Variants in EFCAB6 observed in about 807,000 individuals in gnomAD.
EFCAB6 encodes EF-hand calcium binding domain 6.
In EFCAB6, 156 loss-of-function variants were observed where a neutral mutation model predicts 169.8. That is an observed-to-expected ratio of 0.92 (90% CI 0.81 to 1.05). The LOEUF (loss-of-function observed/expected upper bound fraction) is 1.05, where lower values mean the gene tolerates loss of function less well. Ranked by LOEUF, EFCAB6 falls within the 50% of genes least tolerant of loss-of-function variation. EFCAB6 has a pLI of 0.00. For synonymous variants in EFCAB6, 698 were observed against 676.4 expected, an observed-to-expected ratio of 1.03 and a Z score of -0.50; for missense variants, 1,800 against 1,829.1, an observed-to-expected ratio of 0.98 and a Z score of 0.29.
intron 10 of EFCAB6, among the ~76,000 whole-genome samples, chr22:43,706,448 G>T (rs1277706283): frequency 2.0e-5 from 3 of 152,180 alleles, no homozygotes; most frequent in African/African-American, 7.2e-5. Context: ...GGTTTGCTTT[G>T]TGTTGGTCTC....
At chr22:43,770,011 T>A (rs1033087847) in intron 4 of EFCAB6, among the ~76,000 whole-genome samples, 2 of 151,946 alleles carry the variant, frequency 1.3e-5, no homozygotes, top group African/African-American at 4.8e-5. Flanking sequence ...TGTGCCACCA[T>A]GTCCATCTAA....
intron 20 of EFCAB6, among the ~76,000 whole-genome samples, chr22:43,622,447 T>G (rs1478727253): frequency 6.6e-6 from 1 of 152,124 alleles, no homozygotes; most frequent in Non-Finnish European, 1.5e-5. Context: ...GCACCTGTAG[T>G]TCCAGTTACT....
chr22:43,633,965 G>A (rs1029287189), intron 18 of EFCAB6, among the ~76,000 whole-genome samples: 2 of 152,182 alleles, frequency 1.3e-5, no homozygotes, highest in African/African-American at 4.8e-5. Context: ...ATCTTCATGT[G>A]TGAGAATGCA....
chr22:43,615,733 T>C (rs2053639930), intron 21 of EFCAB6, 93 bp downstream of exon 21: 2 of 1,084,242 alleles, frequency 1.8e-6, no homozygotes, highest in African/African-American at 1.6e-5. Context: ...TTTCCCATCT[T>C]AGCGTCTGGA....
chr22:43,590,194 T>A lies in EFCAB6; in HGVS notation c.2912A>T (p.Lys971Ile). ...KLMDRHQDISKAFTKTDQSKT... is the reference protein window; with the variant it reads ...KLMDRHQDISIAFTKTDQSKT... ...GGATTGATCAGTTTTGGTGAATGCT[T>A]TGCTGATATCTTGATGGCGGTCCAT... Residue 971 changes from lysine (K) to isoleucine (I), a missense_variant, in exon 24 of 32, where the codon AAA becomes ATA. Physicochemically the swap from Lys to Ile is moderately radical, Grantham distance 102 (BLOSUM62 -3). Coordinates refer to ENST00000262726, the MANE Select transcript of EFCAB6 (RefSeq NM_022785.4). 6.2e-7 allele frequency: 1 copy of A among 1,614,076 alleles called. No homozygotes were observed. The highest frequency in any genetic ancestry group is 8.5e-7 in the Non-Finnish European group (1 of 1,179,990).
chr22:43,570,140 T>C (rs569240656), intron 26 of EFCAB6: 7 of 152,290 alleles, frequency 4.6e-5, no homozygotes, highest in Admixed American at 3.9e-4. Flanking sequence ...ACAAAAAACA[T>C]CTTCAAGTTA....
intron 3 of EFCAB6, among the ~76,000 whole-genome samples, chr22:43,774,681 G>T (rs2061583404): frequency 6.6e-6 from 1 of 151,722 alleles, no homozygotes; most frequent in Admixed American, 6.6e-5. Context: ...TCCGGTGACA[G>T]GATGGAAGGT....
chr22:43,632,985 T>C (rs181700444), intron 18 of EFCAB6, among the ~76,000 whole-genome samples: 2 of 152,370 alleles, frequency 1.3e-5, no homozygotes, highest in Admixed American at 1.3e-4. Flanking sequence ...ATCTGTTAAG[T>C]AAGATGCTGA....
chr22:43,567,347 T>A (rs1017510351), intron 26 of EFCAB6, among the ~76,000 whole-genome samples: 1 of 152,230 alleles, frequency 6.6e-6, no homozygotes. Flanking sequence ...AATAAATTCA[T>A]GGGTGAAGTC....
intron 2 of EFCAB6, among the ~76,000 whole-genome samples, chr22:43,791,639 G>A (rs1256299473): frequency 6.6e-6 from 1 of 152,044 alleles, no homozygotes; most frequent in African/African-American, 2.4e-5. Flanking sequence ...CCGTAATAAG[G>A]GCTTCGGTTT....
chr22:43,574,658 AC>A (rs1160362063), intron 26 of EFCAB6, among the ~76,000 whole-genome samples: 2 of 147,852 alleles, frequency 1.4e-5, no homozygotes, highest in East Asian at 2.0e-4. Flanking sequence ...AAAAAAAAAA[AC>A]CATAATCATA....
intron 17 of EFCAB6, among the ~76,000 whole-genome samples, chr22:43,641,659 T>C (rs1468534059): frequency 1.3e-5 from 2 of 149,952 alleles, no homozygotes; most frequent in African/African-American, 2.4e-5. Flanking sequence ...AAAGGATACT[T>C]TCCTTGTGAG....
chr22:43,558,742 A>C (rs537895373), intron 26 of EFCAB6, among the ~76,000 whole-genome samples: 87 of 152,330 alleles, frequency 5.7e-4, no homozygotes, highest in African/African-American at 2.0e-3. Context: ...TTTTAGTAAT[A>C]AAGTATTTTT....
At chr22:43,608,699 C>G in intron 21 of EFCAB6, 99 bp from the exon 22 acceptor site, 1 of 1,077,164 alleles carries the variant, frequency 9.3e-7, no homozygotes, top group Middle Eastern at 2.0e-4. Context: ...TCTAAGGCAT[C>G]TGTATCCCCA....
chr22:43,658,734 G>C (rs2056868410), intron 17 of EFCAB6, among the ~76,000 whole-genome samples: 1 of 152,182 alleles, frequency 6.6e-6, no homozygotes, highest in South Asian at 2.1e-4. Context: ...GGAGGATGGA[G>C]GAATAAGTAA....
chr22:43,575,101 G>A (rs1345721110), intron 26 of EFCAB6, among the ~76,000 whole-genome samples: 1 of 152,194 alleles, frequency 6.6e-6, no homozygotes, highest in Non-Finnish European at 1.5e-5. Context: ...CAACCTGCAT[G>A]TTCATTAACA....
intron 4 of EFCAB6, among the ~76,000 whole-genome samples, chr22:43,768,393 T>G (rs910258543): frequency 9.9e-5 from 15 of 152,212 alleles, no homozygotes; most frequent in African/African-American, 3.6e-4. Flanking sequence ...CATGAAATCT[T>G]TTACTCATTT....
At chr22:43,551,828 C>CTTTTTTT (rs142350726) in intron 27 of EFCAB6, 2 of 136,786 alleles carry the variant, frequency 1.5e-5, no homozygotes, top group Non-Finnish European at 3.2e-5. Context: ...TCCCTTGTTC[C>CTTTTTTT]TTTTTTTTTT....
At chr22:43,592,651 T>C (rs192319355) in intron 23 of EFCAB6, among the ~76,000 whole-genome samples, 3 of 152,288 alleles carry the variant, frequency 2.0e-5, no homozygotes, top group Admixed American at 2.0e-4. Flanking sequence ...GCTGGGTCTA[T>C]GTCCAGTTCC....
Sources: gnomAD v4.1 joint callset for allele counts (sites outside exome capture counted in the v4.1 genomes callset) on GRCh38, gnomAD v4.1.1 for gene constraint, MANE v1.5 for transcripts, NCBI Gene and HGNC (gene_info 2026-07-23, HGNC 2026-07-21) for gene names.